Variants in ZDHHC11 observed in about 807,000 individuals in gnomAD.
ZDHHC11 encodes zDHHC palmitoyltransferase 11.
Under a neutral mutation model 51.3 loss-of-function variants are expected in ZDHHC11, and 44 were observed. The ratio of observed to expected loss-of-function variants is 0.86; its 90% CI spans 0.67 to 1.10. The LOEUF (loss-of-function observed/expected upper bound fraction) is 1.10. Among genes scored for constraint, ZDHHC11 ranks in the 50% least tolerant of loss-of-function variants. ZDHHC11 has a pLI of 0.00. For synonymous variants in ZDHHC11, 163 were observed against 222.0 expected, an observed-to-expected ratio of 0.73 and a Z score of 2.36; for missense variants, 400 against 537.7, an observed-to-expected ratio of 0.74 and a Z score of 2.53.
chr5:810,131 A>T (rs149504466), intron 11 of ZDHHC11, among the ~76,000 whole-genome samples: 10 of 25,014 alleles, frequency 4.0e-4, no homozygotes, highest in African/African-American at 1.7e-3. Context: ...AGGAACAGGC[A>T]GCTCCTGGGA....
intron 10 of ZDHHC11, chr5:816,499 G>T: frequency 2.0e-6 from 1 of 508,388 alleles, no homozygotes; most frequent in Admixed American, 2.3e-5. Flanking sequence ...CAAGTGGGAT[G>T]GATCAGCTGT....
chr5:797,091 C>T (rs1394681607), intron 12 of ZDHHC11, among the ~76,000 whole-genome samples: 5 of 150,892 alleles, frequency 3.3e-5, no homozygotes, highest in African/African-American at 4.9e-5. Context: ...ACTGTAGGCC[C>T]AGCTACTCAG....
Position 840,081 on chromosome 5 carries a change from C to A in ZDHHC11, c.784+414G>T, listed in dbSNP as rs1190697136. ...AGTTGTTTGGTTAGTGGGTGACCTG[C>A]CTGTAATATATTTCATTGTTAGAAT... On this transcript the variant is annotated intron_variant, in intron 5 of 12. Coordinates refer to ENST00000283441, the MANE Select transcript of ZDHHC11 (RefSeq NM_024786.3). The A allele has an allele frequency of 4.4e-5, 27 of 609,480 alleles. No homozygotes were observed. In the Middle Eastern group the frequency reaches 1.3e-3, roughly 30 times the overall value. 37.8% of individuals were successfully genotyped at this position (609,480 alleles called of 1,614,324 possible). A position where few individuals can be genotyped will look rare whatever the true frequency, so the allele number is the denominator to read the frequency against.
chr5:814,762 C>G lies in ZDHHC11; in HGVS notation c.1180G>C (p.Gly394Arg), dbSNP rs1479718926. 6 of 1,560,120 alleles carry G rather than the reference C, an allele frequency of 3.8e-6. No homozygotes were observed. Among genetic ancestry groups the G allele is most frequent in the Middle Eastern group, 1.7e-4 (1 of 5,956 alleles). The change falls in exon 11 of 13, where the codon GGG becomes CGG. Residue 394 changes from glycine to arginine, a missense_variant and splice_region_variant. By Grantham distance (125) the Gly-to-Arg change is moderately radical. Around this residue, in one of 5 missense-constraint regions of ZDHHC11, gnomAD observed 231 missense variants for 227.4 expected, o/e 1.02. Transcript: ENST00000283441. ...TTCCCGTTAAACTTACGAACTTACC[C>G]AAGTGTAGATATACTCGGGGCATCA... ...ADDAPSISTL[G>R]LQQETTEPMK...
intron 8 of ZDHHC11, among the ~76,000 whole-genome samples, chr5:824,660 A>AC (rs548057848): frequency 3.4e-5 from 5 of 147,224 alleles, no homozygotes; most frequent in East Asian, 4.0e-4. Flanking sequence ...ACATAACCAC[A>AC]CCCCCCCACA....
chr5:842,358 G>T (rs1443577395), intron 4 of ZDHHC11: 3 of 985,350 alleles, frequency 3.0e-6, no homozygotes, highest in Non-Finnish European at 3.6e-6. Context: ...TCAGGGCCTC[G>T]CCAGGGTGGA....
intron 6 of ZDHHC11, among the ~76,000 whole-genome samples, chr5:834,402 T>C (rs1313082373): frequency 3.9e-5 from 6 of 152,292 alleles, no homozygotes; most frequent in African/African-American, 1.4e-4. Context: ...CTTGAACTCC[T>C]GGCCTCAAGC....
At chr5:812,119 C>G (rs2150312540) in intron 11 of ZDHHC11, among the ~76,000 whole-genome samples, 2 of 147,692 alleles carry the variant, frequency 1.4e-5, no homozygotes, top group African/African-American at 5.2e-5. Flanking sequence ...GCTTGAAAAT[C>G]AAAATATAAG....
Position 796,368 on chromosome 5 carries a change from G to A in ZDHHC11, c.*220C>T, listed in dbSNP as rs1737574698. The stretch of plus-strand genomic sequence containing the variant: ...CTGCAAGGCTGGCTCTTCTTTGGGT[G>A]TGATGAAGATGATGACAGAGATGGA... On this transcript the variant is annotated 3_prime_UTR_variant, in exon 13 of 13. Transcript: ENST00000283441. 1 of 152,544 alleles carries A rather than the reference G, an allele frequency of 6.6e-6. No individual in the cohort carries two copies. The highest frequency in any genetic ancestry group is 6.6e-5 in the Admixed American group (1 of 15,062). 9.4% of individuals were successfully genotyped at this position (152,544 alleles called of 1,614,324 possible).
chr5:822,015 T>A (rs1259462158), intron 8 of ZDHHC11, 120 bp from the exon 9 acceptor site: 5 of 863,068 alleles, frequency 5.8e-6, no homozygotes, highest in African/African-American at 1.6e-5. Flanking sequence ...TACATCAAGG[T>A]TGCCTGGATC....
intron 11 of ZDHHC11, among the ~76,000 whole-genome samples, chr5:805,570 C>T (rs202242106): frequency 2.1e-5 from 2 of 94,740 alleles, no homozygotes; most frequent in African/African-American, 1.8e-4. Flanking sequence ...TGGAACATTA[C>T]AAACATTCAA....
chr5:833,128 T>C (rs1238889928), intron 7 of ZDHHC11, among the ~76,000 whole-genome samples: 312 of 151,664 alleles, frequency 2.1e-3, no homozygotes, highest in Non-Finnish European at 3.0e-3. Flanking sequence ...TAGTATCTCA[T>C]AGTGAGAAGA....
At chr5:856,808 A>G in intron 1 of ZDHHC11, among the ~76,000 whole-genome samples, 1 of 150,062 alleles carries the variant, frequency 6.7e-6, no homozygotes, top group East Asian at 2.0e-4. Flanking sequence ...CAGAGCACAC[A>G]CACTTGCACT....
Position 850,773 on chromosome 5 carries a change from G to C in ZDHHC11, c.-171C>G, listed in dbSNP as rs893322633. 1 of 799,088 alleles carries C rather than the reference G, an allele frequency of 1.3e-6. No individual in the cohort carries two copies. The highest frequency in any genetic ancestry group is 1.9e-6 in the Non-Finnish European group (1 of 515,274). The allele number at this position is 799,088 out of a possible 1,614,324, so 49.5% of individuals were successfully genotyped here. On this transcript the variant is annotated 5_prime_UTR_variant, in exon 1 of 13. Transcript: ENST00000283441. ...TTCCCCGCAGAGGGAGCAGGGGCTG[G>C]GCTGGAGTCGGTGCAGGGCCCCGCC...
At chr5:816,431 A>C in intron 10 of ZDHHC11, 1 of 448,690 alleles carries the variant, frequency 2.2e-6, no homozygotes, top group Non-Finnish European at 4.5e-6. Context: ...CGGGACAGGC[A>C]GTGGCCGTAG....
intron 3 of ZDHHC11, among the ~76,000 whole-genome samples, chr5:844,797 T>C (rs1453327399): frequency 2.6e-5 from 4 of 152,294 alleles, no homozygotes; most frequent in Non-Finnish European, 5.9e-5. Flanking sequence ...GTCCATGCTG[T>C]AGACGTGAGA....
intron 4 of ZDHHC11, chr5:842,816 AT>A: frequency 3.6e-6 from 2 of 561,082 alleles, no homozygotes; most frequent in Non-Finnish European, 4.5e-6. Context: ...GGTCTTCCCA[AT>A]TTTGCCAGCT....
At chr5:847,101 C>CAT (rs1304405450) in intron 3 of ZDHHC11, among the ~76,000 whole-genome samples, 7 of 141,062 alleles carry the variant, frequency 5.0e-5, no homozygotes, top group African/African-American at 2.1e-4. Flanking sequence ...CATCTGTGAG[C>CAT]CTCGACCATG....
At chr5:819,721 G>C in intron 9 of ZDHHC11, 109 bp from the exon 10 acceptor site, 1 of 1,170,854 alleles carries the variant, frequency 8.5e-7, no homozygotes, top group Non-Finnish European at 1.3e-6. Flanking sequence ...TGGGGCCCAT[G>C]TGTCTCAGAA....
Sources: allele counts gnomAD v4.1 joint callset (sites outside exome capture counted in the v4.1 genomes callset), GRCh38; gene constraint gnomAD v4.1.1; regional missense constraint gnomAD v4.1.1; transcripts MANE v1.5; gene names NCBI Gene and HGNC (gene_info 2026-07-23, HGNC 2026-07-21).